The following COL5A1 variants were observed in gnomAD, a reference collection of about 807,000 sequenced individuals.
COL5A1 encodes collagen alpha-1(V) chain.
COL5A1 carries 16 observed loss-of-function variants against 263.7 expected under a neutral mutation model. The observed-to-expected ratio is 0.06, with a 90% CI of 0.04 to 0.09. COL5A1 has a LOEUF of 0.09. Among genes scored for constraint, COL5A1 ranks in the 10% least tolerant of loss-of-function variants. The pLI is 1.00. For synonymous variants in COL5A1, 1,012 were observed against 1,004.5 expected, an observed-to-expected ratio of 1.01 and a Z score of -0.14; for missense variants, 2,036 against 2,540.5, an observed-to-expected ratio of 0.80 and a Z score of 4.27.
chr9:134,761,380 T>C (rs1429554481), intron 18 of COL5A1, among the ~76,000 whole-genome samples: 2 of 152,190 alleles, frequency 1.3e-5, no homozygotes, highest in African/African-American at 4.8e-5. Flanking sequence ...CCATGATGCC[T>C]TGAGAAGGGG....
At chr9:134,732,184 A>C in intron 9 of COL5A1, 57 bp downstream of exon 9, 11 of 1,595,216 alleles carry the variant, frequency 6.9e-6, no homozygotes, top group Non-Finnish European at 9.5e-6. Flanking sequence ...TCGGGGTCAC[A>C]GCGGGGTGTG....
chr9:134,717,310 G>A (rs957129895), intron 4 of COL5A1, among the ~76,000 whole-genome samples: 1 of 152,224 alleles, frequency 6.6e-6, no homozygotes, highest in African/African-American at 2.4e-5. Context: ...CACTGTACTT[G>A]CGGGGAACGC....
intron 21 of COL5A1, 40 bp from the exon 22 acceptor site, chr9:134,766,414 G>T (rs201080771): frequency 6.2e-6 from 10 of 1,605,820 alleles, no homozygotes; most frequent in Non-Finnish European, 8.5e-6. Flanking sequence ...GAGTTCTTTC[G>T]CATTCAGTTA....
At chr9:134,819,358 G>C (rs771174329) in intron 57 of COL5A1, among the ~76,000 whole-genome samples, 20 of 152,254 alleles carry the variant, frequency 1.3e-4, no homozygotes, top group Non-Finnish European at 2.5e-4. Context: ...CCAGGTTGCT[G>C]CTCTCCCTGG....
chr9:134,732,215 G>A (rs757931229), intron 9 of COL5A1, 88 bp downstream of exon 9: 3 of 1,421,780 alleles, frequency 2.1e-6, no homozygotes, highest in Non-Finnish European at 3.0e-6. Context: ...ACAGGTCCGT[G>A]GGCCCCTGCA....
At chr9:134,829,281 T>C (rs7851929) in intron 63 of COL5A1, among the ~76,000 whole-genome samples, 83,200 of 148,820 alleles carry the variant, frequency 0.56, 24,808 homozygotes, top group African/African-American at 0.79. Flanking sequence ...GCTCCTCACA[T>C]GGCCTCCAGT....
At position 134,743,572 on chromosome 9, in the gene COL5A1, G is replaced by A. The variant is rs142970394; in HGVS notation, c.1494+4764G>A. On this transcript the variant is annotated intron_variant, in intron 11 of 65. Transcript: ENST00000371817. ...CAGCCGCCTCAGGGTCAGAGTGGAG[G>A]CAGTTTCCCAAGCTTTCTCCAAATT... Among the ~76,000 whole-genome samples, 1,061 of 152,276 alleles carry A rather than the reference G, an allele frequency of 7.0e-3. 5 individuals are homozygous for A. The highest frequency in any genetic ancestry group is 0.011 in the Non-Finnish European group (768 of 68,022).
Position 134,731,575 on chromosome 9 carries a change from ACTACTACGACCC to A in COL5A1, c.1258_1269del (p.Tyr420_Pro423del), listed in dbSNP as rs745934765. 46 of 1,614,056 alleles carry A rather than the reference ACTACTACGACCC, an allele frequency of 2.8e-5. No individual in the cohort carries two copies. Among genetic ancestry groups the A allele is most frequent in the Admixed American group, 8.3e-5 (5 of 60,006 alleles). ...GAAACGATCCGGAACCTTGACGAGA[ACTACTACGACCC>A]CTACTACGACCCCACCAGCTCCCCG... is the stretch of plus-strand genomic sequence containing the variant. On this transcript the variant is annotated inframe_deletion, in exon 8 of 66. Transcript: ENST00000371817.
At chr9:134,645,639 C>T (rs1831451489) in intron 1 of COL5A1, among the ~76,000 whole-genome samples, 1 of 152,240 alleles carries the variant, frequency 6.6e-6, no homozygotes, top group Non-Finnish European at 1.5e-5. Flanking sequence ...TCACTGCACC[C>T]TCACCCGGGC....
chr9:134,718,294 G>A (rs1280579844), intron 4 of COL5A1, among the ~76,000 whole-genome samples: 2 of 152,250 alleles, frequency 1.3e-5, no homozygotes, highest in Non-Finnish European at 2.9e-5. Flanking sequence ...CTCTGCAGCA[G>A]AGCGGAATGG....
rs759627305 is a variant in COL5A1, at chr9:134,798,414, C to G, written c.2905C>G (p.Pro969Ala). 31 of 1,614,014 alleles carry G rather than the reference C, an allele frequency of 1.9e-5. No homozygotes were observed. Among genetic ancestry groups the G allele is most frequent in the African/African-American group, 2.7e-5 (2 of 74,942 alleles). Residue 969 changes from proline (P) to alanine (A), a missense_variant, in exon 37 of 66, where the codon CCA becomes GCA. Pro to Ala is a conservative substitution (Grantham distance 27, BLOSUM62 -1). Around this residue, in one of 3 missense-constraint regions of COL5A1, gnomAD observed 1,078 missense variants for 1,521.4 expected, o/e 0.71. Coordinates refer to ENST00000371817, the MANE Select transcript of COL5A1 (RefSeq NM_000093.5). ...FPGPKGPPGPPGKDGLPGHPG... is the reference protein window; with the variant it reads ...FPGPKGPPGPAGKDGLPGHPG... ...CCTTTGGTTTTTTCTTCAGGGCCCT[C>G]CAGGCAAGGATGGACTCCCAGGACA... is the stretch of plus-strand genomic sequence containing the variant.
intron 63 of COL5A1, among the ~76,000 whole-genome samples, chr9:134,828,582 CCACACCA>C (rs1215087677): frequency 1.4e-5 from 2 of 147,394 alleles, no homozygotes; most frequent in African/African-American, 2.6e-5. Context: ...ACCACATATA[CCACACCA>C]CACATCACAC....
intron 59 of COL5A1, 167 bp from the exon 60 acceptor site, chr9:134,822,831 C>A: frequency 6.2e-6 from 5 of 810,738 alleles, no homozygotes; most frequent in Admixed American, 6.0e-5. Context: ...ACCAGCCAGG[C>A]CCCGACCCTC....
At chr9:134,655,258 G>A (rs575800399) in intron 1 of COL5A1, among the ~76,000 whole-genome samples, 64 of 151,998 alleles carry the variant, frequency 4.2e-4, no homozygotes, top group Non-Finnish European at 7.4e-4. Flanking sequence ...TTGGGCTTTA[G>A]GGCCTGCACT....
intron 4 of COL5A1, 101 bp downstream of exon 4, chr9:134,701,434 T>A: frequency 8.4e-7 from 1 of 1,192,164 alleles, no homozygotes; most frequent in Non-Finnish European, 1.2e-6. Flanking sequence ...CGGGACCGGC[T>A]GGCGGTCCAC....
At chr9:134,824,543 A>T in intron 61 of COL5A1, 57 bp from the exon 62 acceptor site, 1 of 1,607,902 alleles carries the variant, frequency 6.2e-7, no homozygotes. Context: ...CTCTGCTCAT[A>T]TCCTGGGACC....
chr9:134,812,887 G>T (rs936142192), intron 48 of COL5A1, among the ~76,000 whole-genome samples, 175 bp downstream of exon 48: 1 of 149,466 alleles, frequency 6.7e-6, no homozygotes, highest in Non-Finnish European at 1.5e-5. Flanking sequence ...ACTCATTTCT[G>T]TGGGCATGGC....
intron 4 of COL5A1, 22 bp downstream of exon 4, chr9:134,701,355 C>T: frequency 6.2e-7 from 1 of 1,610,902 alleles, no homozygotes; most frequent in Non-Finnish European, 8.5e-7. Flanking sequence ...GGCAGACCAA[C>T]CCCTGTGCCC....
Position 134,805,203 on chromosome 9 carries a change from C to A in COL5A1, c.3247C>A (p.Pro1083Thr). 1 of 1,613,980 alleles carries A rather than the reference C, an allele frequency of 6.2e-7. No individual in the cohort carries two copies. The highest frequency in any genetic ancestry group is 8.5e-7 in the Non-Finnish European group (1 of 1,180,036). Reference sequence around the variant, plus strand: ...AGGCAATGAAGGGCCCCCTGGCCCACCAGGCCCTGCGGTGAGTCAAAGCCT... The same window carrying A: ...AGGCAATGAAGGGCCCCCTGGCCCAACAGGCCCTGCGGTGAGTCAAAGCCT... ...LKGNEGPPGPPGPAGSPGERG... is the reference protein window; with the variant it reads ...LKGNEGPPGPTGPAGSPGERG... Residue 1083 changes from proline (P) to threonine (T), a missense_variant, in exon 41 of 66, where the codon CCA becomes ACA. Coordinates refer to ENST00000371817, the MANE Select transcript of COL5A1 (RefSeq NM_000093.5).
Sources: gnomAD v4.1 joint callset for allele counts (sites outside exome capture counted in the v4.1 genomes callset) on GRCh38, gnomAD v4.1.1 for gene constraint, gnomAD v4.1.1 regional missense constraint, MANE v1.5 for transcripts, NCBI Gene and HGNC (gene_info 2026-07-23, HGNC 2026-07-21) for gene names.